IL6R: variants seen among roughly 807,000 people sequenced by gnomAD.
IL6R encodes interleukin 6 receptor, also known as interleukin-6 receptor subunit alpha.
Under a neutral mutation model 48.3 loss-of-function variants are expected in IL6R, and 38 were observed. The observed-to-expected ratio is 0.79, with a 90% CI of 0.61 to 1.03. The LOEUF is 1.03. Ranked by LOEUF, IL6R falls within the 50% of genes least tolerant of loss-of-function variation. IL6R has a pLI of 0.00. For missense variants in IL6R, 534 were observed against 618.3 expected, an observed-to-expected ratio of 0.86 and a Z score of 1.45; for synonymous variants, 264 against 256.2, an observed-to-expected ratio of 1.03 and a Z score of -0.29.
At chr1:154,438,877 A>G (rs1252160369) in intron 6 of IL6R, among the ~76,000 whole-genome samples, 1 of 152,132 alleles carries the variant, frequency 6.6e-6, no homozygotes, top group African/African-American at 2.4e-5. Flanking sequence ...GCAGCTTTCT[A>G]TTGGGCCCTC....
chr1:154,420,511 T>TTTTATTTTATTTATTTA (rs1553304888), intron 1 of IL6R, among the ~76,000 whole-genome samples: 2 of 147,776 alleles, frequency 1.4e-5, no homozygotes, highest in African/African-American at 5.0e-5. Flanking sequence ...CTTTATTTTA[T>TTTTATTTTATTTATTTA]TTTATTTATT....
chr1:154,425,837 T>C (rs1688932865), intron 1 of IL6R, among the ~76,000 whole-genome samples: 1 of 149,882 alleles, frequency 6.7e-6, no homozygotes, highest in African/African-American at 2.5e-5. Flanking sequence ...CTCAGCACTT[T>C]GGGAGGCTAA....
chr1:154,468,498 AGG>A lies in IL6R; in HGVS notation c.*3121_*3122del, dbSNP rs558273465. On this transcript the variant is annotated 3_prime_UTR_variant, in exon 10 of 10. Coordinates refer to ENST00000368485, the MANE Select transcript of IL6R (RefSeq NM_000565.4). Reference sequence around the variant, plus strand: ...TGAAATATTTTCAAGAAATGTGTCCAGGGGTAGCACTGGCTATGTTGACGAGG... The same window carrying A: ...TGAAATATTTTCAAGAAATGTGTCCAGGTAGCACTGGCTATGTTGACGAGG... The A allele has an allele frequency of 1.5e-3, 233 of 152,406 alleles. 1 individual carries two copies. The highest frequency in any genetic ancestry group is 5.5e-3 in the African/African-American group (228 of 41,596). 9.4% of individuals were successfully genotyped at this position (152,406 alleles called of 1,614,324 possible). A position where few individuals can be genotyped will look rare whatever the true frequency, so the allele number is the denominator to read the frequency against.
In IL6R at chr1:154,465,269, G is replaced by T; in HGVS notation, c.1296G>T (p.Val432=). 6.2e-7 allele frequency: 1 copy of T among 1,614,144 alleles called. No individual in the cohort carries two copies. Among genetic ancestry groups the T allele is most frequent in the Non-Finnish European group, 8.5e-7 (1 of 1,180,024 alleles). ...TTGTTCCTCTCATCTCCCCACCGGT[G>T]TCCCCCAGCAGCCTGGGGTCTGACA... ...PVLVPLISPP[V]SPSSLGSDNT... Residue 432 remains valine (V), a synonymous_variant, in exon 10 of 10, where the codon GTG becomes GTT. Transcript: ENST00000368485.
At chr1:154,411,291 C>T (rs190974477) in intron 1 of IL6R, among the ~76,000 whole-genome samples, 1 of 152,270 alleles carries the variant, frequency 6.6e-6, no homozygotes, top group East Asian at 1.9e-4. Context: ...CTCCTGACCT[C>T]AAGTGATCTG....
chr1:154,426,623 T>C (rs1156655624), intron 1 of IL6R, among the ~76,000 whole-genome samples: 1 of 151,076 alleles, frequency 6.6e-6, no homozygotes, highest in Non-Finnish European at 1.5e-5. Flanking sequence ...TTAAGAAAAA[T>C]GTAGGGATGT....
rs367927074 is a variant in IL6R at position 154,446,676 on chromosome 1, T to C, written c.950-1449T>C. ...GTGCAGGGGGAGGGAGCCGTGAGGG[T>C]GCCTGGTCCACATCCCTGCTGCTGC... On this transcript the variant is annotated intron_variant, in intron 6 of 9. Coordinates refer to ENST00000368485, the MANE Select transcript of IL6R (RefSeq NM_000565.4). Among the ~76,000 whole-genome samples the C allele has an allele frequency of 2.0e-5, 3 of 152,128 alleles. No individual in the cohort carries two copies. The East Asian group carries it at 5.8e-4, about 29-fold the overall frequency.
intron 4 of IL6R, 122 bp from the exon 5 acceptor site, chr1:154,434,868 G>A (rs985457759): frequency 8.2e-7 from 1 of 1,219,964 alleles, no homozygotes; most frequent in Non-Finnish European, 1.1e-6. Context: ...AGGCCCTTGT[G>A]GAGCTGTGCA....
At chr1:154,459,666 A>G (rs1204050331) in intron 9 of IL6R, among the ~76,000 whole-genome samples, 1 of 152,042 alleles carries the variant, frequency 6.6e-6, no homozygotes, top group African/African-American at 2.4e-5. Flanking sequence ...TGAATCATAG[A>G]TGATTTTTTA....
chr1:154,432,240 T>C (rs1689332433), intron 3 of IL6R, among the ~76,000 whole-genome samples: 1 of 152,214 alleles, frequency 6.6e-6, no homozygotes, highest in African/African-American at 2.4e-5. Context: ...ATACACCTTG[T>C]TTGTACCTCA....
intron 1 of IL6R, among the ~76,000 whole-genome samples, chr1:154,424,428 C>G (rs1295572124): frequency 2.6e-5 from 4 of 152,212 alleles, no homozygotes; most frequent in Admixed American, 6.5e-5. Context: ...GCACTTGTGT[C>G]TGTTGCATGC....
intron 1 of IL6R, among the ~76,000 whole-genome samples, chr1:154,421,356 G>C (rs546594163): frequency 6.6e-6 from 1 of 152,208 alleles, no homozygotes; most frequent in Non-Finnish European, 1.5e-5. Flanking sequence ...CCATCCCACC[G>C]CCTGGGTTTC....
rs1316749350 is a variant in IL6R, at chr1:154,434,716, C to T, written c.640+16C>T. 2.5e-6 allele frequency: 4 copies of T among 1,606,870 alleles called. No individual in the cohort carries two copies. Among genetic ancestry groups the T allele is most frequent in the Non-Finnish European group, 3.4e-6 (4 of 1,175,614 alleles). ...TGTGGAATCTGTACGTAAGCTCTAACCCCCTCTCCAGCAGTTTCCTTCTCT... is the reference window on the plus strand; with the variant it reads ...TGTGGAATCTGTACGTAAGCTCTAATCCCCTCTCCAGCAGTTTCCTTCTCT... On this transcript the variant is annotated intron_variant, in intron 4 of 9. Transcript: ENST00000368485.
chr1:154,458,751 A>AT (rs1691066401), intron 9 of IL6R, among the ~76,000 whole-genome samples: 1 of 152,088 alleles, frequency 6.6e-6, no homozygotes, highest in African/African-American at 2.4e-5. Flanking sequence ...AAATACAAAA[A>AT]TTAGCTGGGC....
At chr1:154,459,762 G>A (rs1162707112) in intron 9 of IL6R, among the ~76,000 whole-genome samples, 1 of 151,972 alleles carries the variant, frequency 6.6e-6, no homozygotes, top group African/African-American at 2.4e-5. Context: ...CTGATTCTCT[G>A]TATTTTAGGT....
In IL6R at chr1:154,405,922, C is replaced by A. The variant is rs974384249; in HGVS notation, c.85+208C>A. Among the ~76,000 whole-genome samples the A allele has an allele frequency of 6.6e-6, 1 of 152,114 alleles. No homozygotes were observed. The highest frequency in any genetic ancestry group is 2.4e-5 in the African/African-American group (1 of 41,436). ...CCCCTGCTGCGCTTGCTCCCTTGGTCCGGAGCGCTCCCCGGAATGCCCGGT... is the reference window on the plus strand; with the variant it reads ...CCCCTGCTGCGCTTGCTCCCTTGGTACGGAGCGCTCCCCGGAATGCCCGGT... On this transcript the variant is annotated intron_variant, in intron 1 of 9. Transcript: ENST00000368485. The surrounding 1 kb of genome is among the most constrained non-coding windows in gnomAD (Gnocchi z 5.2).
At chr1:154,454,658 T>C (rs1206950274) in intron 9 of IL6R, 77 bp downstream of exon 9, 1 of 950,606 alleles carries the variant, frequency 1.1e-6, no homozygotes, top group East Asian at 2.5e-5. Flanking sequence ...ATTCTGAAAT[T>C]TATGGTGCAT....
intron 1 of IL6R, among the ~76,000 whole-genome samples, chr1:154,417,276 C>T (rs1375047740): frequency 1.3e-5 from 2 of 151,670 alleles, no homozygotes; most frequent in Non-Finnish European, 2.9e-5. Flanking sequence ...GTCCTGACAC[C>T]ATGCACTGCT....
chr1:154,464,095 G>A (rs1361010626), intron 9 of IL6R, among the ~76,000 whole-genome samples: 4 of 151,850 alleles, frequency 2.6e-5, no homozygotes, highest in East Asian at 1.9e-4. Flanking sequence ...TACTTTGACC[G>A]AGAGGCCCAT....
Sources: gnomAD v4.1 joint callset for allele counts (sites outside exome capture counted in the v4.1 genomes callset) on GRCh38, gnomAD v4.1.1 for gene constraint, Gnocchi (gnomAD v3.1) non-coding constraint, MANE v1.5 for transcripts, NCBI Gene and HGNC (gene_info 2026-07-23, HGNC 2026-07-21) for gene names.